Variants in TBC1D5 observed in about 807,000 individuals in gnomAD.
The protein encoded by TBC1D5 is TBC1 domain family member 5.
A neutral mutation model predicts 100.3 loss-of-function variants in TBC1D5; 75 were observed. That is an observed-to-expected ratio of 0.75 (90% CI 0.62 to 0.91). The LOEUF is 0.91. Among genes scored for constraint, TBC1D5 ranks in the 40% least tolerant of loss-of-function variants. The pLI is 0.00. For synonymous variants in TBC1D5, 323 were observed against 325.6 expected, an observed-to-expected ratio of 0.99 and a Z score of 0.09; for missense variants, 910 against 942.4, an observed-to-expected ratio of 0.97 and a Z score of 0.45.
At position 17,662,745 on chromosome 3, in the gene TBC1D5, G is replaced by C. The variant is rs141688338; in HGVS notation, c.-100-38832C>G. On this transcript the variant is annotated intron_variant, in intron 1 of 21. Coordinates refer to ENST00000253692, the Ensembl canonical transcript of TBC1D5. Reference sequence around the variant, plus strand: ...CCAATTAAAGATCCACTGGACAAGTGTTTCTCAAATTGTAACACCCCTTAA... The same window carrying C: ...CCAATTAAAGATCCACTGGACAAGTCTTTCTCAAATTGTAACACCCCTTAA... 7.0e-3 allele frequency among the ~76,000 whole-genome samples: 1,060 copies of C among 152,194 alleles called. 7 individuals are homozygous for C. The highest frequency in any genetic ancestry group is 0.014 in the Middle Eastern group (4 of 294).
intron 3 of TBC1D5, among the ~76,000 whole-genome samples, chr3:17,489,507 A>G (rs1345077775): frequency 6.6e-6 from 1 of 152,130 alleles, no homozygotes; most frequent in Non-Finnish European, 1.5e-5. Flanking sequence ...AGCCTCCACA[A>G]GTGTTTGTCA....
chr3:17,340,819 T>C (rs1211846724), intron 13 of TBC1D5: 1 of 152,158 alleles, frequency 6.6e-6, no homozygotes, highest in Middle Eastern at 3.2e-3. Flanking sequence ...TCACATACAT[T>C]TATAAAATAA....
intron 17 of TBC1D5, among the ~76,000 whole-genome samples, chr3:17,222,008 T>C (rs1310561576): frequency 6.6e-6 from 1 of 152,196 alleles, no homozygotes; most frequent in East Asian, 1.9e-4. Context: ...AGTATTTTTC[T>C]CTCATTTATT....
At chr3:17,583,196 G>C (rs2096710849) in intron 2 of TBC1D5, among the ~76,000 whole-genome samples, 1 of 151,958 alleles carries the variant, frequency 6.6e-6, no homozygotes, top group Admixed American at 6.6e-5. Flanking sequence ...GAGGTAAGAG[G>C]ATTGCTCGTG....
intron 1 of TBC1D5, among the ~76,000 whole-genome samples, chr3:17,659,646 AAC>A (rs1232085333): frequency 6.6e-6 from 1 of 152,176 alleles, no homozygotes; most frequent in African/African-American, 2.4e-5. Flanking sequence ...TTGACAGGAA[AAC>A]ACAGCCTTTC....
chr3:17,561,343 T>C (rs776256792), intron 2 of TBC1D5, among the ~76,000 whole-genome samples: 17 of 152,168 alleles, frequency 1.1e-4, no homozygotes, highest in Non-Finnish European at 2.2e-4. Flanking sequence ...ATCAAAGCTC[T>C]AGTAAGAGCA....
At chr3:17,698,656 C>T (rs1169126362) in intron 1 of TBC1D5, among the ~76,000 whole-genome samples, 1 of 147,000 alleles carries the variant, frequency 6.8e-6, no homozygotes, top group Non-Finnish European at 1.5e-5. Flanking sequence ...TGACAAAGGG[C>T]TAATATCCAG....
At chr3:17,655,459 TAATTA>T (rs1553901618) in intron 1 of TBC1D5, among the ~76,000 whole-genome samples, 130 of 148,678 alleles carry the variant, frequency 8.7e-4, no homozygotes, top group African/African-American at 2.6e-3. Flanking sequence ...AGTATAATAA[TAATTA>T]AATTAAATTA....
chr3:17,550,548 C>CAAA (rs796439520), intron 2 of TBC1D5, among the ~76,000 whole-genome samples: 1 of 139,406 alleles, frequency 7.2e-6, no homozygotes. Context: ...ACAACAACAA[C>CAAA]AAAAAAAAAA....
intron 2 of TBC1D5, among the ~76,000 whole-genome samples, chr3:17,524,924 T>A (rs547467639): frequency 9.9e-5 from 15 of 151,770 alleles, no homozygotes; most frequent in Admixed American, 4.6e-4. Flanking sequence ...TAGGTAGGAA[T>A]TTAAAATGCT....
At chr3:17,730,949 T>G (rs1257913539) in intron 1 of TBC1D5, among the ~76,000 whole-genome samples, 1 of 152,158 alleles carries the variant, frequency 6.6e-6, no homozygotes, top group Non-Finnish European at 1.5e-5. Context: ...ATAATATTTA[T>G]GTATTATGAG....
chr3:17,669,657 C>T (rs2067697555), intron 1 of TBC1D5, among the ~76,000 whole-genome samples: 2 of 152,012 alleles, frequency 1.3e-5, no homozygotes, highest in African/African-American at 4.8e-5. Context: ...TACGTTAATA[C>T]ATATAAAAAT....
chr3:17,465,571 A>G (rs182822892), intron 3 of TBC1D5: 27 of 152,420 alleles, frequency 1.8e-4, no homozygotes, highest in African/African-American at 5.1e-4. Flanking sequence ...ACATAAAAAA[A>G]TAAGAAATCA....
At chr3:17,380,087 GTGTA>G (rs1386221002) in intron 9 of TBC1D5, among the ~76,000 whole-genome samples, 65 of 149,224 alleles carry the variant, frequency 4.4e-4, no homozygotes, top group African/African-American at 1.5e-3. Context: ...GTGTGTGTGT[GTGTA>G]TACACATCCA....
Position 17,161,265 on chromosome 3 carries a change from TAC to T in TBC1D5, c.2095-11_2095-10del, listed in dbSNP as rs763620758. On this transcript the variant is annotated splice_polypyrimidine_tract_variant and intron_variant, in intron 21 of 21. Coordinates refer to ENST00000253692, the Ensembl canonical transcript of TBC1D5. ...GGCGTTTCTGAAGAGGCCTGTGAAG[TAC>T]AGTCAGAAGTACAGGTGGATGAAAG... is the stretch of plus-strand genomic sequence containing the variant. 2.5e-6 allele frequency: 4 copies of T among 1,602,376 alleles called. No homozygotes were observed. In the Admixed American group the frequency reaches 5.1e-5, roughly 20 times the overall value.
intron 2 of TBC1D5, among the ~76,000 whole-genome samples, chr3:17,598,332 G>T (rs1218700475): frequency 6.6e-6 from 1 of 152,148 alleles, no homozygotes; most frequent in African/African-American, 2.4e-5. Flanking sequence ...TTCTCTTCTT[G>T]TAAGTATGTC....
chr3:17,698,793 A>C (rs1390435941), intron 1 of TBC1D5, among the ~76,000 whole-genome samples: 1 of 148,124 alleles, frequency 6.8e-6, no homozygotes, highest in Non-Finnish European at 1.5e-5. Flanking sequence ...ACATGAAAAA[A>C]TGCTCATCAT....
At chr3:17,503,844 G>A (rs2095812790) in intron 3 of TBC1D5, among the ~76,000 whole-genome samples, 1 of 149,540 alleles carries the variant, frequency 6.7e-6, no homozygotes. Context: ...TTACTGCTGT[G>A]CATTAACTCA....
At chr3:17,184,614 A>T (rs1209453971) in intron 19 of TBC1D5, 1 of 152,102 alleles carries the variant, frequency 6.6e-6, no homozygotes, top group Non-Finnish European at 1.5e-5. Context: ...TGCAACCTCA[A>T]ACCCCTGGGT....
Sources: allele counts gnomAD v4.1 joint callset (sites outside exome capture counted in the v4.1 genomes callset), GRCh38; gene constraint gnomAD v4.1.1; transcripts MANE v1.5; gene names NCBI Gene and HGNC (gene_info 2026-07-23, HGNC 2026-07-21).